The following DYM variants were observed in gnomAD, a reference collection of about 807,000 sequenced individuals.
The protein encoded by DYM is dymeclin.
DYM carries 78 observed loss-of-function variants against 93.1 expected under a neutral mutation model. That is an observed-to-expected ratio of 0.84 (90% CI 0.70 to 1.01). The LOEUF (loss-of-function observed/expected upper bound fraction) is 1.01, where lower values mean the gene tolerates loss of function less well. Among genes scored for constraint, DYM ranks in the 50% least tolerant of loss-of-function variants. The pLI, the probability that DYM is intolerant of heterozygous loss-of-function variation, is 0.00. For missense variants in DYM, 789 were observed against 845.0 expected, an observed-to-expected ratio of 0.93 and a Z score of 0.82; for synonymous variants, 321 against 319.7, an observed-to-expected ratio of 1.00 and a Z score of -0.04.
At chr18:49,188,306 T>C (rs1420482433) in intron 14 of DYM, among the ~76,000 whole-genome samples, 2 of 152,012 alleles carry the variant, frequency 1.3e-5, no homozygotes, top group African/African-American at 4.8e-5. Flanking sequence ...ATCCAGGGGG[T>C]CCTGGTTCTG....
intron 17 of DYM, among the ~76,000 whole-genome samples, chr18:49,055,275 C>T (rs1036285543): frequency 2.0e-5 from 3 of 152,010 alleles, no homozygotes; most frequent in Admixed American, 2.0e-4. Context: ...GGTGGAGGCA[C>T]GGAGGCAGCC....
At position 49,079,096 on chromosome 18, in the gene DYM, C is replaced by T. The variant is rs183208393; in HGVS notation, c.2025+18306G>A. On this transcript the variant is annotated intron_variant, in intron 17 of 17. Coordinates refer to ENST00000675505, the MANE Select transcript of DYM (RefSeq NM_001353214.3). Reference sequence around the variant, plus strand: ...GTTTGGTGTCAGCATCTCATATCTGCAACTGTCTGTCTTTTTTCCATTTGG... The same window carrying T: ...GTTTGGTGTCAGCATCTCATATCTGTAACTGTCTGTCTTTTTTCCATTTGG... 5.0e-3 allele frequency among the ~76,000 whole-genome samples: 765 copies of T among 152,310 alleles called. 2 individuals carry two copies. Among genetic ancestry groups the T allele is most frequent in the Middle Eastern group, 0.01 (3 of 294 alleles).
At chr18:49,233,866 C>T (rs990961890) in intron 13 of DYM, among the ~76,000 whole-genome samples, 11 of 152,164 alleles carry the variant, frequency 7.2e-5, no homozygotes, top group African/African-American at 2.2e-4. Context: ...GTGGCTCACA[C>T]CTGTAATCCC....
chr18:49,395,356 G>A (rs145884029), intron 2 of DYM, among the ~76,000 whole-genome samples: 92 of 152,204 alleles, frequency 6.0e-4, no homozygotes, highest in African/African-American at 1.9e-3. Context: ...AAGGCCAGGC[G>A]CAGTGGCTCA....
At chr18:49,430,919 T>C (rs1451471048) in intron 1 of DYM, among the ~76,000 whole-genome samples, 1 of 151,334 alleles carries the variant, frequency 6.6e-6, no homozygotes, top group Non-Finnish European at 1.5e-5. Flanking sequence ...AGCTAACACC[T>C]GTCTTAGCCA....
intron 9 of DYM, among the ~76,000 whole-genome samples, chr18:49,285,515 T>C (rs958327497): frequency 1.3e-5 from 2 of 152,214 alleles, no homozygotes; most frequent in African/African-American, 4.8e-5. Flanking sequence ...CTTTTCTAGG[T>C]TTAGACTGCT....
intron 8 of DYM, among the ~76,000 whole-genome samples, chr18:49,299,786 G>T (rs529237536): frequency 6.6e-6 from 1 of 152,140 alleles, no homozygotes; most frequent in South Asian, 2.1e-4. Flanking sequence ...GCTCACGCCT[G>T]TAATCCCAGC....
At chr18:49,393,098 A>AGGAGGAGG (rs2069570271) in intron 2 of DYM, among the ~76,000 whole-genome samples, 1 of 1,202 alleles carries the variant, frequency 8.3e-4, no homozygotes, top group Non-Finnish European at 2.0e-3. Flanking sequence ...GGAGGGAAGG[A>AGGAGGAGG]AGGAAGGAAG....
At chr18:49,259,276 G>T (rs988200662) in intron 11 of DYM, among the ~76,000 whole-genome samples, 14 of 152,254 alleles carry the variant, frequency 9.2e-5, no homozygotes, top group Middle Eastern at 3.4e-3. Context: ...AACTACAGAT[G>T]AATAACAAAA....
chr18:49,268,239 TA>T (rs746533464), intron 11 of DYM, among the ~76,000 whole-genome samples: 7 of 152,154 alleles, frequency 4.6e-5, no homozygotes, highest in Non-Finnish European at 8.8e-5. Flanking sequence ...AGAAACTTGG[TA>T]AAACATTTGA....
chr18:49,392,910 G>T (rs1377868803), intron 2 of DYM, among the ~76,000 whole-genome samples: 1 of 150,104 alleles, frequency 6.7e-6, no homozygotes, highest in Non-Finnish European at 1.5e-5. Context: ...CAGGAGAATT[G>T]CTTGAACCCA....
At chr18:49,336,511 T>TCA in intron 6 of DYM, among the ~76,000 whole-genome samples, 2 of 152,048 alleles carry the variant, frequency 1.3e-5, no homozygotes, top group African/African-American at 4.8e-5. Context: ...ACAATAAGAG[T>TCA]CACTGCAAGC....
chr18:49,184,489 C>A (rs1019175601), intron 14 of DYM, among the ~76,000 whole-genome samples: 2 of 152,152 alleles, frequency 1.3e-5, no homozygotes, highest in African/African-American at 2.4e-5. Context: ...GATACTGCAG[C>A]AATACAGTAT....
intron 2 of DYM, among the ~76,000 whole-genome samples, chr18:49,403,154 TA>T (rs1452907135): frequency 6.6e-6 from 1 of 152,224 alleles, no homozygotes; most frequent in African/African-American, 2.4e-5. Flanking sequence ...CTTAAATTAC[TA>T]ATTTATCAGC....
At chr18:49,435,207 C>CAAAAAAA (rs150003482) in intron 1 of DYM, among the ~76,000 whole-genome samples, 1 of 88,766 alleles carries the variant, frequency 1.1e-5, no homozygotes, top group African/African-American at 4.5e-5. Flanking sequence ...GACTCCATCT[C>CAAAAAAA]AAAAAAAAAA....
At chr18:49,170,012 G>C (rs994242939) in intron 14 of DYM, among the ~76,000 whole-genome samples, 1 of 152,154 alleles carries the variant, frequency 6.6e-6, no homozygotes, top group South Asian at 2.1e-4. Flanking sequence ...ACAGTGGCTA[G>C]CTGATAAGGT....
At chr18:49,164,990 G>A (rs915525131) in intron 14 of DYM, among the ~76,000 whole-genome samples, 1 of 152,000 alleles carries the variant, frequency 6.6e-6, no homozygotes, top group African/African-American at 2.4e-5. Flanking sequence ...TTTCAGACTG[G>A]ATAAAAAAGC....
chr18:49,322,403 T>C (rs2062554397), intron 8 of DYM, among the ~76,000 whole-genome samples: 1 of 152,062 alleles, frequency 6.6e-6, no homozygotes, highest in African/African-American at 2.4e-5. Flanking sequence ...CAGAAGAAAT[T>C]TCAAAGTCAA....
At chr18:49,261,365 G>A (rs1419467271) in intron 11 of DYM, among the ~76,000 whole-genome samples, 1 of 152,162 alleles carries the variant, frequency 6.6e-6, no homozygotes, top group Non-Finnish European at 1.5e-5. Context: ...ATTTAGAATT[G>A]AAAAGTAAAA....
Sources: gnomAD v4.1 joint callset for allele counts (sites outside exome capture counted in the v4.1 genomes callset) on GRCh38, gnomAD v4.1.1 for gene constraint, MANE v1.5 for transcripts, NCBI Gene and HGNC (gene_info 2026-07-23, HGNC 2026-07-21) for gene names.